Variants in NIBAN2 observed in about 807,000 individuals in gnomAD.
The protein encoded by NIBAN2 is protein Niban 2.
NIBAN2 carries 36 observed loss-of-function variants against 81.8 expected under a neutral mutation model. The ratio of observed to expected loss-of-function variants is 0.44; its 90% CI spans 0.34 to 0.58. The LOEUF (loss-of-function observed/expected upper bound fraction) is 0.58. NIBAN2 is among the 20% of genes least tolerant of loss of function. The pLI, the probability that NIBAN2 is intolerant of heterozygous loss-of-function variation, is 0.02. For synonymous variants in NIBAN2, 445 were observed against 441.6 expected, an observed-to-expected ratio of 1.01 and a Z score of -0.10; for missense variants, 897 against 1,014.1, an observed-to-expected ratio of 0.88 and a Z score of 1.57.
At position 127,505,876 on chromosome 9, in the gene NIBAN2, G is replaced by C. The variant is rs1434246921; in HGVS notation, c.*969C>G. 1.3e-5 allele frequency: 2 copies of C among 152,366 alleles called. No homozygotes were observed. Among genetic ancestry groups the C allele is most frequent in the African/African-American group, 2.4e-5 (1 of 41,440 alleles). 9.4% of individuals were successfully genotyped at this position (152,366 alleles called of 1,614,324 possible). ...CCAAAGCCTGACCCCAGACCCTCAG[G>C]GAGGGCCCACCCAACCTGTACCCCT... On this transcript the variant is annotated 3_prime_UTR_variant, in exon 14 of 14. Transcript: ENST00000373312.
rs1476466743 is a variant in NIBAN2 at position 127,507,525 on chromosome 9, C to T, written c.1655-94G>A. 4 of 1,125,924 alleles carry T rather than the reference C, an allele frequency of 3.6e-6. No homozygotes were observed. Among genetic ancestry groups the T allele is most frequent in the Admixed American group, 2.9e-5 (1 of 33,910 alleles). The allele number at this position is 1,125,924 out of a possible 1,614,324, so 69.7% of individuals were successfully genotyped here. ...CTCAAAGAAGACCCGTCTCATCCCG[C>T]CTTGGGGGTCTGTGGTTGGGATGTG... On this transcript the variant is annotated intron_variant, in intron 13 of 13. Coordinates refer to ENST00000373312, the MANE Select transcript of NIBAN2 (RefSeq NM_022833.4). This position sits in a 1 kb window ranked among gnomAD's most constrained non-coding sequence, Gnocchi z 6.8.
rs1211283657 is a variant in NIBAN2 at position 127,507,026 on chromosome 9, G to A, written c.2060C>T (p.Ala687Val). ...GGCAGGCGGCGAGGAGGCCTCGGGG[G>A]CGGCCTTAGGCTGGGGACTCTCCCC... ...PAGESPQPKA[A>V]PEASSPPASP... Residue 687 changes from alanine (A) to valine (V), a missense_variant, in exon 14 of 14, where the codon GCC becomes GTC. Coordinates refer to ENST00000373312, the MANE Select transcript of NIBAN2 (RefSeq NM_022833.4). This position sits in a 1 kb window ranked among gnomAD's most constrained non-coding sequence, Gnocchi z 6.8. 1.9e-6 allele frequency: 3 copies of A among 1,586,366 alleles called. No individual in the cohort carries two copies. The highest frequency in any genetic ancestry group is 1.8e-5 in the Admixed American group (1 of 56,752).
At chr9:127,552,068 A>G (rs531397094) in intron 1 of NIBAN2, among the ~76,000 whole-genome samples, 2 of 152,166 alleles carry the variant, frequency 1.3e-5, no homozygotes, top group Middle Eastern at 3.4e-3. Context: ...AGATGCCCTA[A>G]ACCCCCACCT....
At chr9:127,544,150 G>A (rs1367000605) in intron 1 of NIBAN2, among the ~76,000 whole-genome samples, 1 of 152,200 alleles carries the variant, frequency 6.6e-6, no homozygotes, top group Non-Finnish European at 1.5e-5. Context: ...TTCCTTGCTC[G>A]ACTGGCAGCT....
chr9:127,525,127 T>G lies in NIBAN2; in HGVS notation c.352A>C (p.Asn118His), dbSNP rs1837036978. Residue 118 changes from asparagine to histidine, a missense_variant, in exon 4 of 14, where the codon AAC becomes CAC. Asn to His is a moderately conservative substitution (Grantham distance 68). This residue lies in a region of NIBAN2 where 209 missense variants were observed against 208.4 expected (regional missense o/e 1.00). Transcript: ENST00000373312. ...GTGAGGATTTTGTAGCCTGCACTGT[T>G]GATGACGGCTCGTGGTGGGACCTGC... ...ERQVPPRAVI[N>H]SAGYKILTSV... 6.2e-7 allele frequency: 1 copy of G among 1,614,044 alleles called. No homozygotes were observed. The highest frequency in any genetic ancestry group is 1.3e-5 in the African/African-American group (1 of 74,928).
At chr9:127,527,458 T>G (rs1446836010) in intron 2 of NIBAN2, 136 bp from the exon 3 acceptor site, 1 of 807,832 alleles carries the variant, frequency 1.2e-6, no homozygotes, top group Non-Finnish European at 2.0e-6. Context: ...TCTCCCCAAG[T>G]CCTCCCAAGG....
At chr9:127,527,045 G>T in intron 3 of NIBAN2, 149 bp downstream of exon 3, 1 of 889,684 alleles carries the variant, frequency 1.1e-6, no homozygotes, top group Non-Finnish European at 1.8e-6. Flanking sequence ...CAGTTTGGGG[G>T]AGGGGAGGGG....
intron 1 of NIBAN2, among the ~76,000 whole-genome samples, chr9:127,533,627 C>G (rs556852656): frequency 6.6e-6 from 1 of 152,196 alleles, no homozygotes; most frequent in Admixed American, 6.5e-5. Context: ...GAGCGAGACC[C>G]TGTCTCAACA....
intron 2 of NIBAN2, 104 bp downstream of exon 2, chr9:127,531,544 A>G: frequency 8.9e-7 from 1 of 1,118,826 alleles, no homozygotes; most frequent in Non-Finnish European, 1.3e-6. Flanking sequence ...AGAGGCCATC[A>G]CAGTAACAAT....
chr9:127,569,932 G>C (rs1360368122), upstream of NIBAN2, among the ~76,000 whole-genome samples: 1 of 152,172 alleles, frequency 6.6e-6, no homozygotes, highest in African/African-American at 2.4e-5. Context: ...CCAGCCTATG[G>C]GGCTGGGCAT....
At chr9:127,567,127 GGGA>G (rs1837871822) in intron 1 of NIBAN2, among the ~76,000 whole-genome samples, 1 of 152,174 alleles carries the variant, frequency 6.6e-6, no homozygotes, top group South Asian at 2.1e-4. Context: ...AACATGCCAG[GGGA>G]GAGAGGGTGG....
At position 127,517,321 on chromosome 9, in the gene NIBAN2, C is replaced by A; in HGVS notation, c.706-105G>T. The A allele has an allele frequency of 1.1e-6, 1 of 884,094 alleles. No individual in the cohort carries two copies. The highest frequency in any genetic ancestry group is 1.6e-5 in the South Asian group (1 of 62,186). 54.8% of individuals were successfully genotyped at this position (884,094 alleles called of 1,614,324 possible). Reference sequence around the variant, plus strand: ...AGGCCGCTGCAGCCCCCACCTCCTCCGCGACTGGCCCATTGCTTCACCCTC... The same window carrying A: ...AGGCCGCTGCAGCCCCCACCTCCTCAGCGACTGGCCCATTGCTTCACCCTC... On this transcript the variant is annotated intron_variant, in intron 6 of 13. Transcript: ENST00000373312. This position sits in a 1 kb window ranked among gnomAD's most constrained non-coding sequence, Gnocchi z 4.0.
chr9:127,551,936 A>T (rs1837584206), intron 1 of NIBAN2, among the ~76,000 whole-genome samples: 1 of 152,122 alleles, frequency 6.6e-6, no homozygotes, highest in Admixed American at 6.5e-5. Flanking sequence ...GTCCCCTCCC[A>T]TGAGCTCAGC....
chr9:127,523,192 A>AATATATAT (rs71380069), intron 5 of NIBAN2, among the ~76,000 whole-genome samples: 1 of 13,448 alleles, frequency 7.4e-5, no homozygotes, highest in Non-Finnish European at 1.2e-4. Context: ...AAAAAAAAAA[A>AATATATAT]ATATATATAT....
rs993391755 is a variant in NIBAN2, at chr9:127,559,048, G to C, written c.55+9772C>G. Among the ~76,000 whole-genome samples, 2 of 152,200 alleles carry C rather than the reference G, an allele frequency of 1.3e-5. No individual in the cohort carries two copies. Among genetic ancestry groups the C allele is most frequent in the African/African-American group, 2.4e-5 (1 of 41,452 alleles). On this transcript the variant is annotated intron_variant, in intron 1 of 13. Transcript: ENST00000373312. This position sits in a 1 kb window ranked among gnomAD's most constrained non-coding sequence, Gnocchi z 4.0. Reference sequence around the variant, plus strand: ...CTGCCACCAGGTCAAAGCCAGACACGCTGCCTCTTGAGATGGGCCGACTGA... The same window carrying C: ...CTGCCACCAGGTCAAAGCCAGACACCCTGCCTCTTGAGATGGGCCGACTGA...
At chr9:127,562,895 G>A (rs1332509339) in intron 1 of NIBAN2, among the ~76,000 whole-genome samples, 1 of 152,166 alleles carries the variant, frequency 6.6e-6, no homozygotes, top group African/African-American at 2.4e-5. Context: ...TTAATGACCT[G>A]GGAGAGATGT....
In NIBAN2 at chr9:127,505,967, C is replaced by T. The variant is rs929149132; in HGVS notation, c.*878G>A. 66 of 152,586 alleles carry T rather than the reference C, an allele frequency of 4.3e-4. No homozygotes were observed. The highest frequency in any genetic ancestry group is 7.3e-4 in the Non-Finnish European group (50 of 68,280). The allele number at this position is 152,586 out of a possible 1,614,324, so 9.5% of individuals were successfully genotyped here. A position where few individuals can be genotyped will look rare whatever the true frequency, so the allele number is the denominator to read the frequency against. On this transcript the variant is annotated 3_prime_UTR_variant, in exon 14 of 14. Coordinates refer to ENST00000373312, the MANE Select transcript of NIBAN2 (RefSeq NM_022833.4). ...TCGGGGTGGCCTGTAGAAGACAGAA[C>T]CCAGCCCCATTACACCCCTTGCTGC...
intron 3 of NIBAN2, 99 bp from the exon 4 acceptor site, chr9:127,525,262 G>A (rs889091591): frequency 7.8e-6 from 6 of 770,814 alleles, no homozygotes; most frequent in African/African-American, 4.0e-5. Context: ...CCAAAGTGGG[G>A]AGGAGAAGGG....
At chr9:127,571,425 C>T (rs899996434), upstream of NIBAN2, among the ~76,000 whole-genome samples, 1 of 152,146 alleles carries the variant, frequency 6.6e-6, no homozygotes, top group Non-Finnish European at 1.5e-5. Context: ...CGGCCGGGCG[C>T]AATGGCTCAC....
Sources: allele counts gnomAD v4.1 joint callset (sites outside exome capture counted in the v4.1 genomes callset), GRCh38; gene constraint gnomAD v4.1.1; regional missense constraint gnomAD v4.1.1; non-coding constraint Gnocchi (gnomAD v3.1); transcripts MANE v1.5; gene names NCBI Gene and HGNC (gene_info 2026-07-23, HGNC 2026-07-21).